The following NLGN1 variants were observed in gnomAD, a reference collection of about 807,000 sequenced individuals.
The protein encoded by NLGN1 is neuroligin 1.
A neutral mutation model predicts 65.5 loss-of-function variants in NLGN1; 12 were observed. The ratio of observed to expected loss-of-function variants is 0.18; its 90% confidence interval spans 0.12 to 0.30. The LOEUF (loss-of-function observed/expected upper bound fraction) is 0.30. Ranked by LOEUF, NLGN1 falls within the 10% of genes least tolerant of loss-of-function variation. NLGN1 has a pLI of 1.00. For synonymous variants in NLGN1, 350 were observed against 359.5 expected (o/e 0.97, Z 0.30); for missense variants, 750 against 1,007.1 (o/e 0.74, Z 3.46).
chr3:173,636,002 G>T (rs1328517255), intron 3 of NLGN1, among the ~76,000 whole-genome samples: 6 of 152,048 alleles, frequency 3.9e-5, no homozygotes, highest in Non-Finnish European at 7.4e-5. Context: ...ATATTTATTG[G>T]CCTTGCTATC....
chr3:173,781,407 A>T (rs1452800897), intron 3 of NLGN1, among the ~76,000 whole-genome samples: 1 of 152,212 alleles, frequency 6.6e-6, no homozygotes, highest in Non-Finnish European at 1.5e-5. Context: ...TAAGTATCAG[A>T]ACATATGCAT....
At chr3:174,017,075 C>T (rs1364226337) in intron 4 of NLGN1, among the ~76,000 whole-genome samples, 1 of 152,130 alleles carries the variant, frequency 6.6e-6, no homozygotes, top group Non-Finnish European at 1.5e-5. Flanking sequence ...AGAGTCTAAT[C>T]AACAGGTACT....
intron 4 of NLGN1, among the ~76,000 whole-genome samples, chr3:174,085,267 G>A (rs1468777053): frequency 1.3e-5 from 2 of 151,962 alleles, no homozygotes; most frequent in African/African-American, 4.8e-5. Flanking sequence ...TCTTAGAACA[G>A]AGAAGTTTAA....
At chr3:173,398,793 CTT>C (rs955099914) in intron 1 of NLGN1, among the ~76,000 whole-genome samples, 8 of 152,194 alleles carry the variant, frequency 5.3e-5, no homozygotes, top group African/African-American at 1.9e-4. Flanking sequence ...CATTTTCCCT[CTT>C]TTTATACTCA....
chr3:173,879,736 C>G (rs539529623), intron 4 of NLGN1, among the ~76,000 whole-genome samples: 1 of 151,960 alleles, frequency 6.6e-6, no homozygotes, highest in African/African-American at 2.4e-5. Flanking sequence ...TGTGTGGAGT[C>G]TTGAATCCTC....
intron 2 of NLGN1, among the ~76,000 whole-genome samples, chr3:173,488,461 T>C (rs1462443078): frequency 6.6e-6 from 1 of 152,140 alleles, no homozygotes; most frequent in Admixed American, 6.6e-5. Flanking sequence ...TTTCTTTCAA[T>C]GGCATTCTGT....
At chr3:173,650,256 G>A (rs116016414) in intron 3 of NLGN1, among the ~76,000 whole-genome samples, 46 of 152,052 alleles carry the variant, frequency 3.0e-4, no homozygotes, top group African/African-American at 1.1e-3. Flanking sequence ...CCTATGGATG[G>A]CATCCTATGA....
At chr3:174,008,749 G>A (rs868146274) in intron 4 of NLGN1, among the ~76,000 whole-genome samples, 3 of 151,926 alleles carry the variant, frequency 2.0e-5, no homozygotes, top group Non-Finnish European at 2.9e-5. Flanking sequence ...TGCACAATGA[G>A]TAAGCAAATG....
intron 4 of NLGN1, among the ~76,000 whole-genome samples, chr3:173,884,018 T>G (rs1444293883): frequency 6.6e-6 from 1 of 151,992 alleles, no homozygotes; most frequent in African/African-American, 2.4e-5. Flanking sequence ...TACCTTTGCA[T>G]TTAGGGTAGG....
At chr3:174,147,673 A>G (rs1317951459) in intron 4 of NLGN1, among the ~76,000 whole-genome samples, 1 of 151,644 alleles carries the variant, frequency 6.6e-6, no homozygotes, top group Non-Finnish European at 1.5e-5. Context: ...AAAATTAAAA[A>G]CCGTGTGGGC....
At chr3:173,465,316 A>T (rs1473596184) in intron 2 of NLGN1, among the ~76,000 whole-genome samples, 1 of 152,178 alleles carries the variant, frequency 6.6e-6, no homozygotes, top group Admixed American at 6.5e-5. Context: ...GTTGCTGAGA[A>T]CTTCTTGGAG....
In NLGN1 at chr3:173,746,279, G is replaced by A. The variant is rs1344146858; in HGVS notation, c.494-61401G>A. Among the ~76,000 whole-genome samples, 9 of 151,758 alleles carry A rather than the reference G, an allele frequency of 5.9e-5. No individual in the cohort carries two copies. The East Asian group carries it at 1.8e-3, about 30-fold the overall frequency. On this transcript the variant is annotated intron_variant, in intron 3 of 6. Transcript: ENST00000457714. ...CCTATCTCAAAACAAAAACAAACAA[G>A]CAAAAAAAAGTTAAAAAAATTTATC...
chr3:173,871,618 C>G lies in NLGN1; in HGVS notation c.646+63786C>G, dbSNP rs150574778. ...TCCTCTGAAAGATAGCATAGCTCTA[C>G]TGGTGGCTAAATTTATGTATAATCT... On this transcript the variant is annotated intron_variant, in intron 4 of 6. Coordinates refer to ENST00000457714, the Ensembl canonical transcript of NLGN1. 4.3e-4 allele frequency among the ~76,000 whole-genome samples: 66 copies of G among 152,322 alleles called. No homozygotes were observed. The Middle Eastern group carries it at 0.014, about 31-fold the overall frequency.
At chr3:173,767,004 T>G (rs534595018) in intron 3 of NLGN1, among the ~76,000 whole-genome samples, 2 of 152,276 alleles carry the variant, frequency 1.3e-5, no homozygotes, top group Non-Finnish European at 2.9e-5. Context: ...GATTTGCCAT[T>G]CTCTAGTTCA....
At chr3:173,741,009 T>A (rs1327026375) in intron 3 of NLGN1, among the ~76,000 whole-genome samples, 2 of 152,182 alleles carry the variant, frequency 1.3e-5, no homozygotes, top group African/African-American at 4.8e-5. Context: ...CATACAAAAT[T>A]AAGCGTTTAT....
At position 173,881,899 on chromosome 3, in the gene NLGN1, T is replaced by C. The variant is rs150155133; in HGVS notation, c.646+74067T>C. Among the ~76,000 whole-genome samples, 78 of 152,296 alleles carry C rather than the reference T, an allele frequency of 5.1e-4. No individual in the cohort carries two copies. The East Asian group carries it at 0.013, about 26-fold the overall frequency. On this transcript the variant is annotated intron_variant, in intron 4 of 6. Coordinates refer to ENST00000457714, the Ensembl canonical transcript of NLGN1. ...GAATGGTAAATCCTTTCTAGAAGGT[T>C]TTTAATTTACTTTGCCCAGATTCGT... is the stretch of plus-strand genomic sequence containing the variant.
chr3:173,657,690 A>C (rs527259057), intron 3 of NLGN1, among the ~76,000 whole-genome samples: 35 of 152,058 alleles, frequency 2.3e-4, no homozygotes, highest in African/African-American at 7.5e-4. Flanking sequence ...AGCTAAAAAA[A>C]ATAGGAATCA....
chr3:173,821,504 T>C (rs1180226194), intron 4 of NLGN1, among the ~76,000 whole-genome samples: 1 of 152,142 alleles, frequency 6.6e-6, no homozygotes, highest in Non-Finnish European at 1.5e-5. Flanking sequence ...TTAATACAAA[T>C]AAAACAATTG....
At chr3:173,525,534 T>C (rs2149158465) in intron 2 of NLGN1, among the ~76,000 whole-genome samples, 1 of 152,202 alleles carries the variant, frequency 6.6e-6, no homozygotes, top group Middle Eastern at 3.4e-3. Context: ...AAATTTATCC[T>C]TTCTAAGAAC....
Sources: gnomAD v4.1 joint callset for allele counts (sites outside exome capture counted in the v4.1 genomes callset) on GRCh38, gnomAD v4.1.1 for gene constraint, MANE v1.5 for transcripts, NCBI Gene and HGNC (gene_info 2026-07-23, HGNC 2026-07-21) for gene names.